AGMO: variants seen among roughly 807,000 people sequenced by gnomAD.
AGMO encodes the protein alkylglycerol monooxygenase.
Under a neutral mutation model 60.2 loss-of-function variants are expected in AGMO, and 75 were observed. That is an observed-to-expected ratio of 1.25 (90% confidence interval 1.03 to 1.51). The LOEUF (loss-of-function observed/expected upper bound fraction) is 1.51. Ranked by LOEUF, AGMO falls within the 40% of genes most tolerant of loss-of-function variation. The pLI, the probability that AGMO is intolerant of heterozygous loss-of-function variation, is 0.00. For synonymous variants in AGMO, 261 were observed against 177.1 expected (o/e 1.47, Z -3.76); for missense variants, 763 against 525.5 (o/e 1.45, Z -4.42).
At chr7:15,461,877 C>A (rs1782152421) in intron 3 of AGMO, among the ~76,000 whole-genome samples, 1 of 151,928 alleles carries the variant, frequency 6.6e-6, no homozygotes, top group Admixed American at 6.6e-5. Flanking sequence ...GCAAAAGGAC[C>A]AGAGATTCAA....
chr7:15,449,182 T>C (rs896159721), intron 3 of AGMO, among the ~76,000 whole-genome samples: 4 of 152,210 alleles, frequency 2.6e-5, no homozygotes, highest in Admixed American at 6.5e-5. Context: ...GCCAGATTAG[T>C]TGTGCAAACA....
intron 12 of AGMO, among the ~76,000 whole-genome samples, chr7:15,313,561 C>A (rs547204441): frequency 7.1e-4 from 108 of 152,096 alleles, no homozygotes; most frequent in African/African-American, 2.3e-3. Flanking sequence ...CTGGCAAACA[C>A]TAAATGTGAT....
In AGMO at chr7:15,440,098, C is replaced by T. The variant is rs563099177; in HGVS notation, c.410-8990G>A. ...CTGCAAAAACAGAGAAAGAGAGATG[C>T]TTGTGGGCTTCCCAAGCTCAAGGAC... On this transcript the variant is annotated intron_variant, in intron 3 of 12. Transcript: ENST00000342526. Among the ~76,000 whole-genome samples, 10 of 152,280 alleles carry T rather than the reference C, an allele frequency of 6.6e-5. No homozygotes were observed. The South Asian group carries it at 2.1e-3, about 32-fold the overall frequency.
intron 12 of AGMO, among the ~76,000 whole-genome samples, chr7:15,269,068 G>A (rs528314629): frequency 1.3e-5 from 2 of 152,160 alleles, no homozygotes; most frequent in South Asian, 4.1e-4. Context: ...GGCATTGTGG[G>A]CCATACACGT....
At chr7:15,180,908 G>C in the AGMO span, among the ~76,000 whole-genome samples, 2 of 152,170 alleles carry the variant, frequency 1.3e-5, no homozygotes, top group Non-Finnish European at 2.9e-5. Flanking sequence ...GTCATCCCAT[G>C]ATGGAAGGCA....
intron 3 of AGMO, among the ~76,000 whole-genome samples, chr7:15,488,417 C>G (rs112103620): frequency 1.1e-4 from 17 of 152,218 alleles, no homozygotes; most frequent in African/African-American, 4.1e-4. Flanking sequence ...CATTTGGCCT[C>G]TATAATATTC....
At chr7:15,297,224 G>A (rs574805221) in intron 12 of AGMO, among the ~76,000 whole-genome samples, 18 of 152,084 alleles carry the variant, frequency 1.2e-4, no homozygotes, top group South Asian at 4.1e-4. Flanking sequence ...GAAATCCCCC[G>A]AATCTACCAT....
At chr7:15,357,989 G>T (rs1188437171) in intron 12 of AGMO, among the ~76,000 whole-genome samples, 1 of 152,112 alleles carries the variant, frequency 6.6e-6, no homozygotes, top group Non-Finnish European at 1.5e-5. Flanking sequence ...AGCAAGACAG[G>T]AAAAGGAAGA....
intron 3 of AGMO, among the ~76,000 whole-genome samples, chr7:15,526,503 T>C (rs1325561247): frequency 6.6e-6 from 1 of 152,158 alleles, no homozygotes; most frequent in Admixed American, 6.5e-5. Flanking sequence ...TTTCCATGCA[T>C]TGAGTTATGC....
chr7:15,325,141 A>G (rs1344422374), intron 12 of AGMO, among the ~76,000 whole-genome samples: 1 of 152,142 alleles, frequency 6.6e-6, no homozygotes, highest in African/African-American at 2.4e-5. Flanking sequence ...ACCTGATTTT[A>G]ATTTCACGTT....
At position 15,561,703 on chromosome 7, in the gene AGMO, T is replaced by A; in HGVS notation, c.126+17A>T. ...AAGCAGCAAGAATAAGAGTAGCCTCTTCCAATAAAGTCTCACCTTTTTTAC... is the reference window on the plus strand; with the variant it reads ...AAGCAGCAAGAATAAGAGTAGCCTCATCCAATAAAGTCTCACCTTTTTTAC... On this transcript the variant is annotated intron_variant, in intron 1 of 12. Transcript: ENST00000342526. 4 of 1,594,246 alleles carry A rather than the reference T, an allele frequency of 2.5e-6. No homozygotes were observed. The South Asian group carries it at 4.5e-5, about 18-fold the overall frequency.
chr7:15,261,513 T>C (rs1344348420), intron 12 of AGMO, among the ~76,000 whole-genome samples: 1 of 151,634 alleles, frequency 6.6e-6, no homozygotes, highest in Non-Finnish European at 1.5e-5. Context: ...ATAATAAAAA[T>C]ATTGTCAACA....
intron 3 of AGMO, among the ~76,000 whole-genome samples, chr7:15,491,564 C>T (rs1157845750): frequency 2.6e-5 from 4 of 152,192 alleles, no homozygotes; most frequent in African/African-American, 9.7e-5. Context: ...ATTTAACTCA[C>T]TTCATTATAT....
At chr7:15,407,236 T>TAC (rs1383236342) in intron 5 of AGMO, among the ~76,000 whole-genome samples, 3 of 146,304 alleles carry the variant, frequency 2.1e-5, no homozygotes, top group African/African-American at 7.4e-5. Context: ...GGAATACATA[T>TAC]ATATATATAT....
chr7:15,187,953 A>C, the AGMO span, among the ~76,000 whole-genome samples: 27,980 of 151,894 alleles, frequency 0.18, 3,242 homozygotes, highest in East Asian at 0.54. Flanking sequence ...ATCTAGCTTT[A>C]AATCTTAACA....
chr7:15,144,175 G>T, the AGMO span, among the ~76,000 whole-genome samples: 11 of 151,918 alleles, frequency 7.2e-5, no homozygotes, highest in African/African-American at 2.7e-4. Context: ...AGATTCTGTG[G>T]GTTTTTTTTC....
intron 12 of AGMO, among the ~76,000 whole-genome samples, chr7:15,283,716 C>G (rs1295272201): frequency 6.6e-6 from 1 of 151,992 alleles, no homozygotes; most frequent in Non-Finnish European, 1.5e-5. Flanking sequence ...ACACTACACT[C>G]TAGAACAACT....
chr7:15,326,430 A>G (rs1451257366), intron 12 of AGMO, among the ~76,000 whole-genome samples: 3 of 152,190 alleles, frequency 2.0e-5, no homozygotes, highest in African/African-American at 7.2e-5. Flanking sequence ...CCTCCTGAAT[A>G]CAGATCTTCC....
intron 12 of AGMO, among the ~76,000 whole-genome samples, chr7:15,240,260 AAT>A (rs1381402297): frequency 1.3e-5 from 2 of 152,186 alleles, no homozygotes; most frequent in African/African-American, 4.8e-5. Flanking sequence ...ATAAACCATA[AAT>A]ATATTTTTAG....
Sources: gnomAD v4.1 joint callset for allele counts (sites outside exome capture counted in the v4.1 genomes callset) on GRCh38, gnomAD v4.1.1 for gene constraint, MANE v1.5 for transcripts, NCBI Gene and HGNC (gene_info 2026-07-23, HGNC 2026-07-21) for gene names.